The following FCSK variants were observed in gnomAD, a reference collection of about 807,000 sequenced individuals.
The protein encoded by FCSK is L-fucose kinase.
Under a neutral mutation model 122.5 loss-of-function variants are expected in FCSK, and 123 were observed. The observed-to-expected ratio is 1.00, with a 90% CI of 0.87 to 1.17. The LOEUF (loss-of-function observed/expected upper bound fraction) is 1.17, where lower values mean the gene tolerates loss of function less well. FCSK is among the 50% of genes most tolerant of loss of function. FCSK has a pLI of 0.00. For synonymous variants in FCSK, 620 were observed against 625.5 expected, an observed-to-expected ratio of 0.99 and a Z score of 0.13; for missense variants, 1,366 against 1,450.4, an observed-to-expected ratio of 0.94 and a Z score of 0.95.
At chr16:70,463,324 T>G (rs1466281781) in intron 2 of FCSK, 52 bp downstream of exon 2, 1 of 1,493,524 alleles carries the variant, frequency 6.7e-7, no homozygotes, top group Non-Finnish European at 9.3e-7. Flanking sequence ...TCCCTCCCCT[T>G]CCTGGCTATG....
At chr16:70,462,922 G>A (rs1168793811) in intron 1 of FCSK, among the ~76,000 whole-genome samples, 2 of 152,172 alleles carry the variant, frequency 1.3e-5, no homozygotes, top group African/African-American at 4.8e-5. Context: ...TAGGATTGCA[G>A]GCATGAGCCT....
intron 10 of FCSK, 56 bp downstream of exon 10, chr16:70,469,379 AAGAATGGAGC>A: frequency 6.7e-7 from 1 of 1,498,688 alleles, no homozygotes; most frequent in South Asian, 1.3e-5. Flanking sequence ...TGAGGACCCC[AAGAATGGAGC>A]TGCTCACTGC....
In FCSK at chr16:70,475,474, G is replaced by T; in HGVS notation, c.2502G>T (p.Leu834=). 6.2e-7 allele frequency: 1 copy of T among 1,604,380 alleles called. No homozygotes were observed. Among genetic ancestry groups the T allele is most frequent in the Non-Finnish European group, 8.5e-7 (1 of 1,178,868 alleles). ...TTGAGCTGCACACCTGGTCTGAGCT[G>T]CCCCACGGCTCTGGCCTGGGTGAGC... The part of the protein sequence containing the change: ...GGFELHTWSE[L]PHGSGLGTSS... The change falls in exon 19 of 24, where the codon CTG becomes CTT. Residue 834 remains leucine, a synonymous_variant. Coordinates refer to ENST00000288078, the MANE Select transcript of FCSK (RefSeq NM_145059.3).
chr16:70,474,374 G>A (rs906796902), intron 16 of FCSK, 35 bp downstream of exon 16: 2 of 1,600,616 alleles, frequency 1.2e-6, no homozygotes, highest in East Asian at 4.5e-5. Context: ...CCTTGGATAA[G>A]CCCCTTGCTG....
intron 13 of FCSK, 132 bp downstream of exon 13, chr16:70,471,484 TAGGGAGGAGAGAATG>T (rs2048617972): frequency 2.2e-6 from 2 of 922,738 alleles, no homozygotes; most frequent in Non-Finnish European, 1.6e-6. Flanking sequence ...GGGTCGGATG[TAGGGAGGAGAGAATG>T]AGGGAGGAGA....
intron 20 of FCSK, 77 bp downstream of exon 20, chr16:70,475,844 G>T (rs2048794908): frequency 7.1e-7 from 1 of 1,414,026 alleles, no homozygotes; most frequent in South Asian, 1.5e-5. Flanking sequence ...GGCTCCCCTG[G>T]ATTTGCATGT....
At chr16:70,469,002 C>T (rs779111522) in intron 9 of FCSK, 34 bp downstream of exon 9, 1 of 1,610,598 alleles carries the variant, frequency 6.2e-7, no homozygotes, top group Non-Finnish European at 8.5e-7. Context: ...TGGGGCCTGG[C>T]TTGGGGGCGA....
At chr16:70,479,050 AG>A (rs763877270) in intron 22 of FCSK, 129 bp from the exon 23 acceptor site, 3 of 745,698 alleles carry the variant, frequency 4.0e-6, no homozygotes, top group Non-Finnish European at 6.6e-6. Flanking sequence ...TCCTGGCTCC[AG>A]CCGGCACTGG....
intron 9 of FCSK, 87 bp downstream of exon 9, chr16:70,469,055 C>T: frequency 6.2e-7 from 1 of 1,603,872 alleles, no homozygotes; most frequent in Non-Finnish European, 8.5e-7. Context: ...CTCTCTGGGG[C>T]AGAGTCTCCG....
chr16:70,473,686 C>T lies in FCSK; in HGVS notation c.1777+333C>T, dbSNP rs2048705565. On this transcript the variant is annotated intron_variant, in intron 15 of 23. Transcript: ENST00000288078. The surrounding 1 kb of genome is among the most constrained non-coding windows in gnomAD (Gnocchi z 4.9). The stretch of plus-strand genomic sequence containing the variant: ...GAGCGTGGCGAGGGGACAGAGCCCC[C>T]AGGGGACATGGTCATCTCTGCATGA... Among the ~76,000 whole-genome samples, 1 of 152,170 alleles carries T rather than the reference C, an allele frequency of 6.6e-6. No individual in the cohort carries two copies. The highest frequency in any genetic ancestry group is 1.5e-5 in the Non-Finnish European group (1 of 68,026).
chr16:70,455,502 AACCAAC>A, intron 1 of FCSK, among the ~76,000 whole-genome samples: 1 of 117,820 alleles, frequency 8.5e-6, no homozygotes, highest in South Asian at 2.4e-4. Flanking sequence ...AAACAAAACA[AACCAAC>A]AACAACAACA....
In FCSK at chr16:70,472,621, C is replaced by A; in HGVS notation, c.1406+16C>A. On this transcript the variant is annotated intron_variant, in intron 14 of 23. Coordinates refer to ENST00000288078, the MANE Select transcript of FCSK (RefSeq NM_145059.3). ...CAGGTGTTCGGTAAGGTGGACACCC[C>A]TAGGGCCTCTGTGGGCCTGGGCAGC... 1 of 1,602,900 alleles carries A rather than the reference C, an allele frequency of 6.2e-7. No homozygotes were observed. The highest frequency in any genetic ancestry group is 2.2e-5 in the East Asian group (1 of 44,704).
chr16:70,455,840 CG>C (rs2048078614), intron 1 of FCSK, among the ~76,000 whole-genome samples: 1 of 150,294 alleles, frequency 6.7e-6, no homozygotes, highest in South Asian at 2.1e-4. Context: ...TGCAGTGAGC[CG>C]AGATCGCGCC....
chr16:70,459,543 GA>G (rs1236170109), intron 1 of FCSK, among the ~76,000 whole-genome samples: 1 of 150,416 alleles, frequency 6.6e-6, no homozygotes, highest in East Asian at 1.9e-4. Context: ...ATCTCAGAAA[GA>G]AAAAAAGGTA....
chr16:70,474,456 G>C (rs1475315203), intron 16 of FCSK, 72 bp from the exon 17 acceptor site: 22 of 1,545,370 alleles, frequency 1.4e-5, no homozygotes, highest in Non-Finnish European at 1.9e-5. Flanking sequence ...GGGACAGTCA[G>C]GTCCCCAAAG....
Position 70,473,475 on chromosome 16 carries a change from C to A in FCSK, c.1777+122C>A. On this transcript the variant is annotated intron_variant, in intron 15 of 23. Transcript: ENST00000288078. This position sits in a 1 kb window ranked among gnomAD's most constrained non-coding sequence, Gnocchi z 4.9. ...GGTGCTCAAGCAGGGAAGGGGCATG[C>A]TGGAGTTTACTTTTAGGATTCTGGA... The A allele has an allele frequency of 8.3e-7, 1 of 1,199,936 alleles. No homozygotes were observed. Among genetic ancestry groups the A allele is most frequent in the Non-Finnish European group, 1.1e-6 (1 of 893,896 alleles). 74.3% of individuals were successfully genotyped at this position (1,199,936 alleles called of 1,614,324 possible). A position where few individuals can be genotyped will look rare whatever the true frequency, so the allele number is the denominator to read the frequency against.
At position 70,459,267 on chromosome 16, in the gene FCSK, G is replaced by A. The variant is rs908051700; in HGVS notation, c.-22-3902G>A. Among the ~76,000 whole-genome samples, 6 of 151,626 alleles carry A rather than the reference G, an allele frequency of 4.0e-5. No individual in the cohort carries two copies. In the South Asian group the frequency reaches 6.3e-4, roughly 16 times the overall value. On this transcript the variant is annotated intron_variant, in intron 1 of 23. Transcript: ENST00000288078. ...AAAAAAGACAATAAAAAAAGAGGCCGGGCATGGTGGCTCATTCCCAGCATT... is the reference window on the plus strand; with the variant it reads ...AAAAAAGACAATAAAAAAAGAGGCCAGGCATGGTGGCTCATTCCCAGCATT...
chr16:70,475,736 A>T lies in FCSK; in HGVS notation c.2610A>T (p.Ala870=), dbSNP rs759352043. The T allele has an allele frequency of 1.6e-5, 25 of 1,596,956 alleles. No individual in the cohort carries two copies. The South Asian group carries it at 2.6e-4, about 16-fold the overall frequency. ...RVVGTEALIH[A]VLHLEQVLTT... The stretch of plus-strand genomic sequence containing the variant: ...TGGGCACGGAAGCCCTGATCCACGC[A>T]GTGCTGCACCTGGAGCAGGTGCTCA... Residue 870 remains alanine, a synonymous_variant, in exon 20 of 24, where the codon GCA becomes GCT. Coordinates refer to ENST00000288078, the MANE Select transcript of FCSK (RefSeq NM_145059.3).
rs769711844 is a variant in FCSK at position 70,463,201 on chromosome 16, C to T, written c.11C>T (p.Pro4Leu). The T allele has an allele frequency of 5.9e-5, 96 of 1,613,772 alleles. No homozygotes were observed. In the South Asian group the frequency reaches 7.7e-4, roughly 13 times the overall value. The change falls in exon 2 of 24, where the codon CCG becomes CTG. Residue 4 changes from proline to leucine, a missense_variant. Transcript: ENST00000288078. ...CTCCGCTTGGCCAGAATGGAGCAGC[C>T]GAAGGGAGTTGATTGGACAGTCATC... Reference protein sequence around the residue: MEQPKGVDWTVIIL... With the variant: MEQLKGVDWTVIIL...
Sources: gnomAD v4.1 joint callset for allele counts (sites outside exome capture counted in the v4.1 genomes callset) on GRCh38, gnomAD v4.1.1 for gene constraint, Gnocchi (gnomAD v3.1) non-coding constraint, MANE v1.5 for transcripts, NCBI Gene and HGNC (gene_info 2026-07-23, HGNC 2026-07-21) for gene names.